Variants in UBE2H observed in about 807,000 individuals in gnomAD.
The protein encoded by UBE2H is ubiquitin-conjugating enzyme E2 H.
A neutral mutation model predicts 29.0 loss-of-function variants in UBE2H; 3 were observed. The observed-to-expected ratio is 0.10, with a 90% CI of 0.05 to 0.27. The LOEUF is 0.27. Among genes scored for constraint, UBE2H ranks in the 10% least tolerant of loss-of-function variants. UBE2H has a pLI of 1.00. For missense variants in UBE2H, 68 were observed against 228.2 expected, an observed-to-expected ratio of 0.30 and a Z score of 4.52; for synonymous variants, 69 against 82.9, an observed-to-expected ratio of 0.83 and a Z score of 0.91.
intron 1 of UBE2H, among the ~76,000 whole-genome samples, chr7:129,927,620 T>C (rs942049422): frequency 2.6e-5 from 4 of 152,172 alleles, no homozygotes; most frequent in Non-Finnish European, 4.4e-5. Context: ...ATATGAATAC[T>C]ATTCAGCCAT....
rs775294964 is a variant in UBE2H, at chr7:129,880,923, A to G, written c.102T>C (p.Phe34=). The change falls in exon 2 of 7, where the codon TTT becomes TTC. Residue 34 remains phenylalanine (F), a synonymous_variant. Transcript: ENST00000355621. ...CTTGTGGTCCATAAAACTTCACTAC[A>G]AATTCATTAAGTCCTCCCAGGATCG... The part of the protein sequence containing the change: ...EVTILGGLNE[F]VVKFYGPQGT... 1.2e-6 allele frequency: 2 copies of G among 1,613,908 alleles called. No homozygotes were observed. The highest frequency in any genetic ancestry group is 2.2e-5 in the South Asian group (2 of 91,032).
At chr7:129,843,221 G>A (rs898487901) in intron 5 of UBE2H, among the ~76,000 whole-genome samples, 1 of 151,862 alleles carries the variant, frequency 6.6e-6, no homozygotes, top group African/African-American at 2.4e-5. Context: ...GGATGGTCTC[G>A]ATCTCCTGAC....
At chr7:129,905,079 A>G (rs1312933540) in intron 1 of UBE2H, among the ~76,000 whole-genome samples, 2 of 152,148 alleles carry the variant, frequency 1.3e-5, no homozygotes, top group Non-Finnish European at 2.9e-5. Flanking sequence ...AGCCATTTGA[A>G]AGAGAAAATC....
At chr7:129,939,459 G>A (rs551998197) in intron 1 of UBE2H, among the ~76,000 whole-genome samples, 2 of 152,240 alleles carry the variant, frequency 1.3e-5, no homozygotes, top group Admixed American at 6.5e-5. Context: ...TTCAAGAATA[G>A]CAAAAGGGTA....
At chr7:129,852,217 T>C (rs980306206) in intron 5 of UBE2H, among the ~76,000 whole-genome samples, 3 of 152,248 alleles carry the variant, frequency 2.0e-5, no homozygotes, top group African/African-American at 7.2e-5. Context: ...TTTTAAGATA[T>C]ACCTTCTGCC....
intron 3 of UBE2H, among the ~76,000 whole-genome samples, chr7:129,867,193 T>C (rs980524338): frequency 9.2e-5 from 14 of 152,070 alleles, no homozygotes; most frequent in Non-Finnish European, 1.8e-4. Flanking sequence ...CCCCAGGAGG[T>C]CCTGAGAACA....
chr7:129,850,893 G>C (rs1443425606), intron 5 of UBE2H, among the ~76,000 whole-genome samples: 1 of 151,600 alleles, frequency 6.6e-6, no homozygotes, highest in East Asian at 1.9e-4. Flanking sequence ...AGAAAGGAGA[G>C]AGAGAGAAAG....
chr7:129,874,134 G>A (rs1257482639), intron 3 of UBE2H, among the ~76,000 whole-genome samples: 6 of 152,066 alleles, frequency 3.9e-5, no homozygotes, highest in African/African-American at 1.2e-4. Context: ...GTTAATAGTA[G>A]CCAATAATCA....
intron 1 of UBE2H, among the ~76,000 whole-genome samples, chr7:129,943,602 C>T (rs1259174771): frequency 2.6e-5 from 4 of 151,890 alleles, no homozygotes; most frequent in African/African-American, 9.7e-5. Context: ...AACACAAAAA[C>T]AAACAAAAAA....
In UBE2H at chr7:129,834,755, T is replaced by A. The variant is rs188151314; in HGVS notation, c.*182A>T. ...GTGGGAATATGCTATGCACCTCAGG[T>A]TGAGAAATGACCAAGAAATCAAGAT... On this transcript the variant is annotated 3_prime_UTR_variant, in exon 7 of 7. Transcript: ENST00000355621. The A allele has an allele frequency of 1.4e-6, 1 of 708,948 alleles. No homozygotes were observed. The highest frequency in any genetic ancestry group is 2.2e-6 in the Non-Finnish European group (1 of 464,220). 43.9% of individuals were successfully genotyped at this position (708,948 alleles called of 1,614,324 possible). A position where few individuals can be genotyped will look rare whatever the true frequency, so the allele number is the denominator to read the frequency against.
At chr7:129,934,356 G>A (rs1807471673) in intron 1 of UBE2H, among the ~76,000 whole-genome samples, 1 of 151,498 alleles carries the variant, frequency 6.6e-6, no homozygotes, top group Non-Finnish European at 1.5e-5. Context: ...CATGAGCTGA[G>A]GCCAGGAGTG....
chr7:129,916,103 C>T (rs71583745), intron 1 of UBE2H, among the ~76,000 whole-genome samples: 3,481 of 152,300 alleles, frequency 0.023, 56 homozygotes, highest in Middle Eastern at 0.034. Flanking sequence ...CATGCCTGCA[C>T]TTGTTAACTT....
intron 1 of UBE2H, among the ~76,000 whole-genome samples, chr7:129,914,460 C>A (rs1246971598): frequency 1.3e-5 from 2 of 152,110 alleles, no homozygotes; most frequent in East Asian, 1.9e-4. Context: ...AGCCACCATG[C>A]CCGACCAAAA....
intron 1 of UBE2H, among the ~76,000 whole-genome samples, chr7:129,930,207 G>A (rs907131564): frequency 1.3e-5 from 2 of 151,934 alleles, no homozygotes; most frequent in African/African-American, 2.4e-5. Context: ...TGTTGCCCAC[G>A]CTGCAGTGTA....
At chr7:129,838,403 A>G (rs1053212032) in intron 6 of UBE2H, among the ~76,000 whole-genome samples, 5 of 152,234 alleles carry the variant, frequency 3.3e-5, no homozygotes, top group Admixed American at 3.3e-4. Flanking sequence ...TACCTCAGAG[A>G]GGCCACACAT....
chr7:129,902,541 G>A (rs907378064), intron 1 of UBE2H, among the ~76,000 whole-genome samples: 2 of 152,170 alleles, frequency 1.3e-5, no homozygotes, highest in Admixed American at 6.5e-5. Flanking sequence ...AATAAGGGAG[G>A]CTCCATGGGA....
chr7:129,889,395 G>A (rs533841733), intron 1 of UBE2H, among the ~76,000 whole-genome samples: 2 of 152,320 alleles, frequency 1.3e-5, no homozygotes, highest in African/African-American at 4.8e-5. Context: ...AAGCTCCAAC[G>A]TTGCTACAAT....
chr7:129,847,187 A>G (rs942280321), intron 5 of UBE2H, among the ~76,000 whole-genome samples: 1 of 152,142 alleles, frequency 6.6e-6, no homozygotes, highest in East Asian at 1.9e-4. Flanking sequence ...GCTGGATTAC[A>G]GGTGCACGCC....
At chr7:129,940,889 GACT>G (rs1179344697) in intron 1 of UBE2H, among the ~76,000 whole-genome samples, 1 of 152,202 alleles carries the variant, frequency 6.6e-6, no homozygotes, top group African/African-American at 2.4e-5. Flanking sequence ...CCTCTCAACA[GACT>G]ACTGTGTTTT....
Sources: allele counts gnomAD v4.1 joint callset (sites outside exome capture counted in the v4.1 genomes callset), GRCh38; gene constraint gnomAD v4.1.1; transcripts MANE v1.5; gene names NCBI Gene and HGNC (gene_info 2026-07-23, HGNC 2026-07-21).